SLC26A6: variants seen among roughly 807,000 people sequenced by gnomAD.
SLC26A6 encodes anion exchange transporter.
SLC26A6 carries 67 observed loss-of-function variants against 87.1 expected under a neutral mutation model. The observed-to-expected ratio is 0.77, with a 90% CI of 0.63 to 0.94. The LOEUF is 0.94. Ranked by LOEUF, SLC26A6 falls within the 40% of genes least tolerant of loss-of-function variation. The probability of loss-of-function intolerance (pLI) is 0.00; values close to 1 mark genes in which losing one functional copy is unlikely to be tolerated. For synonymous variants in SLC26A6, 414 were observed against 405.9 expected, an observed-to-expected ratio of 1.02 and a Z score of -0.24; for missense variants, 902 against 973.0, an observed-to-expected ratio of 0.93 and a Z score of 0.97.
chr3:48,631,154 C>T lies in SLC26A6; in HGVS notation c.987-14G>A. 2.5e-6 allele frequency: 4 copies of T among 1,613,712 alleles called. No homozygotes were observed. The highest frequency in any genetic ancestry group is 3.4e-6 in the Non-Finnish European group (4 of 1,179,954). On this transcript the variant is annotated splice_polypyrimidine_tract_variant and intron_variant, in intron 8 of 20. Transcript: ENST00000395550. ...GGGGGCACCAGCCTGTGAGAGGTAT[C>T]TGTGAGGCCAAAGCAAGGTCCTGTC...
chr3:48,628,218 T>G lies in SLC26A6; in HGVS notation c.1801-180A>C. The G allele has an allele frequency of 1.3e-6, 1 of 764,510 alleles. No homozygotes were observed. Among genetic ancestry groups the G allele is most frequent in the South Asian group, 1.8e-5 (1 of 55,390 alleles). 47.4% of individuals were successfully genotyped at this position (764,510 alleles called of 1,614,324 possible). On this transcript the variant is annotated intron_variant, in intron 16 of 20. Coordinates refer to ENST00000395550, the MANE Select transcript of SLC26A6 (RefSeq NM_022911.3). The surrounding 1 kb of genome is among the most constrained non-coding windows in gnomAD (Gnocchi z 4.4). ...ACAGCCGTGAAAGGGAAGAGGACTG[T>G]GACGGTTCTCACTGTCACTGGTTCA...
chr3:48,628,147 G>A lies in SLC26A6; in HGVS notation c.1801-109C>T. 1.9e-6 allele frequency: 2 copies of A among 1,077,854 alleles called. No individual in the cohort carries two copies. Among genetic ancestry groups the A allele is most frequent in the South Asian group, 3.1e-5 (2 of 64,012 alleles). The allele number at this position is 1,077,854 out of a possible 1,614,324, so 66.8% of individuals were successfully genotyped here. ...GGTGCTGGGCAGGTGGGTGGGCCAG[G>A]ACCAGAAGCTGTGGGACCTGCAGCA... On this transcript the variant is annotated intron_variant, in intron 16 of 20. Transcript: ENST00000395550. This position sits in a 1 kb window ranked among gnomAD's most constrained non-coding sequence, Gnocchi z 4.4.
At chr3:48,627,646 C>T (rs1006413547) in intron 17 of SLC26A6, 2 of 265,238 alleles carry the variant, frequency 7.5e-6, no homozygotes, top group Non-Finnish European at 1.4e-5. Flanking sequence ...GCCTTTGACC[C>T]CTTGATTTTC....
chr3:48,626,624 T>G lies in SLC26A6; in HGVS notation c.2128+7A>C. 6.2e-7 allele frequency: 1 copy of G among 1,614,154 alleles called. No individual in the cohort carries two copies. The highest frequency in any genetic ancestry group is 8.5e-7 in the Non-Finnish European group (1 of 1,180,022). On this transcript the variant is annotated splice_region_variant and intron_variant, in intron 19 of 20. Coordinates refer to ENST00000395550, the MANE Select transcript of SLC26A6 (RefSeq NM_022911.3). ...CAGGTCCCTCCTGCTGTTCCCACCC[T>G]ACTCACTGTGGCAGGCCGCCATGTA...
At position 48,632,055 on chromosome 3, in the gene SLC26A6, G is replaced by A. The variant is rs1175069526; in HGVS notation, c.586-11C>T. The A allele has an allele frequency of 6.2e-7, 1 of 1,612,684 alleles. No individual in the cohort carries two copies. Among genetic ancestry groups the A allele is most frequent in the Admixed American group, 1.7e-5 (1 of 59,994 alleles). On this transcript the variant is annotated splice_polypyrimidine_tract_variant and intron_variant, in intron 5 of 20. Transcript: ENST00000395550. ...CAGGCCCAGCCCCACCTGTGGGGCG[G>A]CCAGGGGCAGTCAGGAGAGGCAGGG...
At chr3:48,630,776 T>C in intron 9 of SLC26A6, 56 bp from the exon 10 acceptor site, 3 of 1,545,260 alleles carry the variant, frequency 1.9e-6, no homozygotes, top group Non-Finnish European at 1.8e-6. Flanking sequence ...TGGTCACTGT[T>C]CCACTGTATC....
rs948785104 is a variant in SLC26A6 at position 48,631,411 on chromosome 3, C to T, written c.904-105G>A. On this transcript the variant is annotated intron_variant, in intron 7 of 20. Transcript: ENST00000395550. ...GGGAGATACTGGGCAAAACCTTCTT[C>T]GAGGGTGGGAAAAAGTCACGTAGGG... is the stretch of plus-strand genomic sequence containing the variant. 29 of 1,329,132 alleles carry T rather than the reference C, an allele frequency of 2.2e-5. 1 individual carries two copies. The highest frequency in any genetic ancestry group is 1.3e-4 in the East Asian group (5 of 39,510). The allele number at this position is 1,329,132 out of a possible 1,614,324, so 82.3% of individuals were successfully genotyped here.
intron 14 of SLC26A6, among the ~76,000 whole-genome samples, chr3:48,629,283 G>A (rs573267830): frequency 6.6e-6 from 1 of 152,334 alleles, no homozygotes; most frequent in Admixed American, 6.5e-5. Flanking sequence ...ATAAATGGAT[G>A]ACTGAGGACT....
intron 4 of SLC26A6, 88 bp downstream of exon 4, chr3:48,632,886 C>T (rs1271534837): frequency 5.3e-6 from 7 of 1,320,852 alleles, no homozygotes; most frequent in East Asian, 4.7e-5. Context: ...CTTCCCCAGC[C>T]GCTCCTGCCC....
chr3:48,626,429 C>T lies in SLC26A6; in HGVS notation c.2129-75G>A, dbSNP rs2046624237. ...CAACTCCCGGGAGCCAACAGAATGC[C>T]CTGACCTCATCACCCCTGACCTCCA... On this transcript the variant is annotated intron_variant, in intron 19 of 20. Coordinates refer to ENST00000395550, the MANE Select transcript of SLC26A6 (RefSeq NM_022911.3). The T allele has an allele frequency of 5.0e-6, 8 of 1,602,702 alleles. No individual in the cohort carries two copies. In the Admixed American group the frequency reaches 1.2e-4, roughly 24 times the overall value.
In SLC26A6 at chr3:48,626,230, G is replaced by A. The variant is rs1441102306; in HGVS notation, c.2253C>T (p.Asp751=). The A allele has an allele frequency of 8.1e-6, 13 of 1,613,974 alleles. No individual in the cohort carries two copies. The highest frequency in any genetic ancestry group is 1.1e-5 in the Non-Finnish European group (13 of 1,180,022). The change falls in exon 20 of 21, where the codon GAC becomes GAT. Residue 751 remains aspartate, a synonymous_variant. Transcript: ENST00000395550. The part of the protein sequence containing the change: ...FALQHPRPVP[D]SPVSVTRL Reference sequence around the variant, plus strand: ...GAGGTAGGCTCACCGAAACAGGGCTGTCGGGGACAGGCCTCGGGTGTTGGA... The same window carrying A: ...GAGGTAGGCTCACCGAAACAGGGCTATCGGGGACAGGCCTCGGGTGTTGGA...
intron 17 of SLC26A6, 150 bp from the exon 18 acceptor site, chr3:48,627,205 A>G: frequency 1.1e-6 from 1 of 904,692 alleles, no homozygotes; most frequent in Non-Finnish European, 1.7e-6. Flanking sequence ...ATAGGTGTGC[A>G]AAGACAGGAA....
rs1348618207 is a variant in SLC26A6 at position 48,633,126 on chromosome 3, C to T, written c.323-42G>A. 3 of 1,591,646 alleles carry T rather than the reference C, an allele frequency of 1.9e-6. No individual in the cohort carries two copies. In the East Asian group the frequency reaches 6.8e-5, roughly 36 times the overall value. On this transcript the variant is annotated intron_variant, in intron 3 of 20. Coordinates refer to ENST00000395550, the MANE Select transcript of SLC26A6 (RefSeq NM_022911.3). Reference sequence around the variant, plus strand: ...AGCAGTGCAGGCCTGGAGAGCAGATCTTGAAACGATAAGGGAATCCCAGCC... The same window carrying T: ...AGCAGTGCAGGCCTGGAGAGCAGATTTTGAAACGATAAGGGAATCCCAGCC...
In SLC26A6 at chr3:48,629,871, C is replaced by T; in HGVS notation, c.1529+1G>A. 1 of 1,614,130 alleles carries T rather than the reference C, an allele frequency of 6.2e-7. No homozygotes were observed. Among genetic ancestry groups the T allele is most frequent in the Non-Finnish European group, 8.5e-7 (1 of 1,179,996 alleles). The stretch of plus-strand genomic sequence containing the variant: ...TGAGGGGACCAACATGGCGGACTCA[C>T]ATCTGTGTCCGGACCACCACGAGCA... On this transcript the variant is annotated splice_donor_variant, in intron 13 of 20. Transcript: ENST00000395550. LOFTEE classifies it high-confidence loss of function.
Position 48,632,009 on chromosome 3 carries a change from G to A in SLC26A6, c.621C>T (p.Val207=), listed in dbSNP as rs1192429967. The A allele has an allele frequency of 1.9e-6, 3 of 1,613,450 alleles. No individual in the cohort carries two copies. The South Asian group carries it at 3.3e-5, about 18-fold the overall frequency. ...GGACAAGAGGTTCTGACAGGTAGGT[G>A]ACCACGAAGCCGAAGTGGATCAGGC... ...GLGLIHFGFV[V]TYLSEPLVRG... The change falls in exon 6 of 21, where the codon GTC becomes GTT. Residue 207 remains valine, a synonymous_variant. Coordinates refer to ENST00000395550, the MANE Select transcript of SLC26A6 (RefSeq NM_022911.3).
At position 48,632,344 on chromosome 3, in the gene SLC26A6, G is replaced by T. The variant is rs755827427; in HGVS notation, c.486C>A (p.Ala162=). The T allele has an allele frequency of 3.7e-6, 6 of 1,612,728 alleles. No individual in the cohort carries two copies. The South Asian group carries it at 4.4e-5, about 12-fold the overall frequency. Residue 162 remains alanine (A), a synonymous_variant, in exon 5 of 21, where the codon GCC becomes GCA. Coordinates refer to ENST00000395550, the MANE Select transcript of SLC26A6 (RefSeq NM_022911.3). ...VMVGSVTESL[A]PQALNDSMIN... is the part of the protein sequence containing the mutation. ...TCATGGAGTCGTTCAAGGCCTGCGG[G>T]GCCAGGGATTCTGTCACACTGCCCA...
At chr3:48,630,289 G>T in intron 11 of SLC26A6, 132 bp from the exon 12 acceptor site, 1 of 1,305,308 alleles carries the variant, frequency 7.7e-7, no homozygotes, top group Non-Finnish European at 1.1e-6. Context: ...CCCAGCCCCT[G>T]ACCCTTGTCT....
chr3:48,631,613 C>A, intron 7 of SLC26A6, 36 bp downstream of exon 7: 2 of 1,602,256 alleles, frequency 1.2e-6, no homozygotes, highest in South Asian at 1.1e-5. Flanking sequence ...CCTGACCTGC[C>A]CTTCTCCCCT....
In SLC26A6 at chr3:48,633,645, C is replaced by T. The variant is rs750601644; in HGVS notation, c.24-10G>A. On this transcript the variant is annotated splice_polypyrimidine_tract_variant and intron_variant, in intron 1 of 20. Coordinates refer to ENST00000395550, the MANE Select transcript of SLC26A6 (RefSeq NM_022911.3). Reference sequence around the variant, plus strand: ...CTGTGTGTCCCTCGGTCTGGGGTGGCAAGACCAGAGAGACACAGTGAAGGC... The same window carrying T: ...CTGTGTGTCCCTCGGTCTGGGGTGGTAAGACCAGAGAGACACAGTGAAGGC... The T allele has an allele frequency of 2.5e-6, 4 of 1,612,760 alleles. No homozygotes were observed. The South Asian group carries it at 4.4e-5, about 18-fold the overall frequency.
Sources: gnomAD v4.1 joint callset for allele counts (sites outside exome capture counted in the v4.1 genomes callset) on GRCh38, gnomAD v4.1.1 for gene constraint, Gnocchi (gnomAD v3.1) non-coding constraint, MANE v1.5 for transcripts, NCBI Gene and HGNC (gene_info 2026-07-23, HGNC 2026-07-21) for gene names.